The following KTN1 variants were observed in gnomAD, a reference collection of about 807,000 sequenced individuals.
KTN1 encodes kinectin 1.
Under a neutral mutation model 222.5 loss-of-function variants are expected in KTN1, and 130 were observed. The ratio of observed to expected loss-of-function variants is 0.58; its 90% CI spans 0.51 to 0.68. The LOEUF (loss-of-function observed/expected upper bound fraction) is 0.68, where lower values mean the gene tolerates loss of function less well. Among genes scored for constraint, KTN1 ranks in the 30% least tolerant of loss-of-function variants. The probability of loss-of-function intolerance (pLI) is 0.00; values close to 1 mark genes in which losing one functional copy is unlikely to be tolerated. For missense variants in KTN1, 1,508 were observed against 1,500.4 expected, an observed-to-expected ratio of 1.01 and a Z score of -0.08; for synonymous variants, 512 against 496.3, an observed-to-expected ratio of 1.03 and a Z score of -0.42.
intron 1 of KTN1, 175 bp from the exon 2 acceptor site, chr14:55,611,844 A>G (rs2037624326): frequency 1.2e-5 from 4 of 329,980 alleles, no homozygotes; most frequent in Middle Eastern, 8.0e-4. Flanking sequence ...CATAGTATAT[A>G]TGAATTGTAG....
chr14:55,610,478 G>C (rs1566702053), intron 1 of KTN1, among the ~76,000 whole-genome samples: 9 of 152,050 alleles, frequency 5.9e-5, no homozygotes. Context: ...ATTTTCTTAG[G>C]TGTAAAATAA....
intron 19 of KTN1, 145 bp from the exon 20 acceptor site, chr14:55,647,880 C>A (rs963631386): frequency 9.9e-6 from 2 of 202,128 alleles, no homozygotes; most frequent in African/African-American, 4.8e-5. Flanking sequence ...GGAGGCGGAG[C>A]TTGCAGTGAG....
chr14:55,639,888 T>G, intron 13 of KTN1, 25 bp from the exon 14 acceptor site: 1 of 1,364,756 alleles, frequency 7.3e-7, no homozygotes, highest in Non-Finnish European at 1.0e-6. Context: ...GTTTATTGAA[T>G]GTACAAATGT....
rs546189404 is a variant in KTN1, at chr14:55,676,908, C to CTGT, written c.3855+994_3855+996dup. 1.6e-3 allele frequency among the ~76,000 whole-genome samples: 242 copies of CTGT among 152,232 alleles called. 2 individuals carry two copies. Among genetic ancestry groups the CTGT allele is most frequent in the African/African-American group, 5.6e-3 (232 of 41,542 alleles). Reference sequence around the variant, plus strand: ...AGGACAAACTTTGATGCTTAATACACTGTTGTGGTTGAGCAGTCAGTTTAC... The same window carrying CTGT: ...AGGACAAACTTTGATGCTTAATACACTGTTGTTGTGGTTGAGCAGTCAGTTTAC... On this transcript the variant is annotated intron_variant, in intron 41 of 43. Coordinates refer to ENST00000395314, the MANE Select transcript of KTN1 (RefSeq NM_001079521.2).
At chr14:55,622,433 A>G (rs1221422846) in intron 5 of KTN1, among the ~76,000 whole-genome samples, 3 of 152,220 alleles carry the variant, frequency 2.0e-5, no homozygotes, top group African/African-American at 7.2e-5. Context: ...CCATGCAGCC[A>G]ACATCTATAT....
chr14:55,617,660 A>G (rs1179186978), intron 3 of KTN1, among the ~76,000 whole-genome samples: 1 of 152,252 alleles, frequency 6.6e-6, no homozygotes, highest in East Asian at 1.9e-4. Context: ...TAATTCTTAT[A>G]TTAAAACAAA....
chr14:55,582,950 C>T (rs1019233950), intron 1 of KTN1, among the ~76,000 whole-genome samples: 1 of 152,184 alleles, frequency 6.6e-6, no homozygotes, highest in African/African-American at 2.4e-5. Flanking sequence ...TTGGTGATCA[C>T]TCATGCTCAA....
Position 55,626,544 on chromosome 14 carries a change from C to G in KTN1, c.964-1368C>G, listed in dbSNP as rs567772179. Among the ~76,000 whole-genome samples the G allele has an allele frequency of 2.6e-5, 4 of 152,018 alleles. No homozygotes were observed. In the South Asian group the frequency reaches 8.3e-4, roughly 32 times the overall value. ...TTCTTCACTTGTTATTTGTGTTTTT[C>G]TTATTTTCATTTTTTGGTATCGTGT... On this transcript the variant is annotated intron_variant, in intron 5 of 43. Coordinates refer to ENST00000395314, the MANE Select transcript of KTN1 (RefSeq NM_001079521.2).
intron 29 of KTN1, among the ~76,000 whole-genome samples, chr14:55,658,241 G>T (rs2043718250): frequency 6.6e-6 from 1 of 152,076 alleles, no homozygotes; most frequent in Non-Finnish European, 1.5e-5. Context: ...AGAAAAATAT[G>T]AAACCCAAAA....
chr14:55,639,212 TTACA>T lies in KTN1; in HGVS notation c.1816_1819del (p.His606LysfsTer2). 1 of 1,604,280 alleles carries T rather than the reference TTACA, an allele frequency of 6.2e-7. No individual in the cohort carries two copies. Among genetic ancestry groups the T allele is most frequent in the Non-Finnish European group, 8.5e-7 (1 of 1,171,738 alleles). Reference sequence around the variant, plus strand: ...CTCCGCTTCAGTTCTAGCAGAAGAATTACATAAAGTGTAAGCCTACCTTTTCACA... The same window carrying T: ...CTCCGCTTCAGTTCTAGCAGAAGAATTAAAGTGTAAGCCTACCTTTTCACA... On this transcript the variant is annotated frameshift_variant, in exon 13 of 44. Transcript: ENST00000395314. LOFTEE classifies it high-confidence loss of function.
At chr14:55,668,332 G>C (rs552379111) in intron 34 of KTN1, 1 of 151,502 alleles carries the variant, frequency 6.6e-6, no homozygotes, top group African/African-American at 2.4e-5. Flanking sequence ...CGGGTTCCCC[G>C]ACTCTTTCTC....
In KTN1 at chr14:55,619,340, A is replaced by G. The variant is rs949797587; in HGVS notation, c.963+28A>G. Reference sequence around the variant, plus strand: ...AAGCGTGTTTTTTGATTATGGGCATATTCATGACCAGTCATTAGAAGTTCA... The same window carrying G: ...AAGCGTGTTTTTTGATTATGGGCATGTTCATGACCAGTCATTAGAAGTTCA... On this transcript the variant is annotated intron_variant, in intron 5 of 43. Coordinates refer to ENST00000395314, the MANE Select transcript of KTN1 (RefSeq NM_001079521.2). The G allele has an allele frequency of 5.6e-6, 9 of 1,606,820 alleles. No homozygotes were observed. The South Asian group carries it at 9.9e-5, about 18-fold the overall frequency.
rs2032716432 is a variant in KTN1 at position 55,585,176 on chromosome 14, A to T, written c.-31+4822A>T. 2.7e-5 allele frequency among the ~76,000 whole-genome samples: 4 copies of T among 148,488 alleles called. No individual in the cohort carries two copies. The South Asian group carries it at 6.4e-4, about 24-fold the overall frequency. Reference sequence around the variant, plus strand: ...AAAAAATCTCACATTCCTTCCTTTGATGGATAACTCATTATTGGATACATG... The same window carrying T: ...AAAAAATCTCACATTCCTTCCTTTGTTGGATAACTCATTATTGGATACATG... On this transcript the variant is annotated intron_variant, in intron 1 of 43. Coordinates refer to ENST00000395314, the MANE Select transcript of KTN1 (RefSeq NM_001079521.2).
intron 4 of KTN1, among the ~76,000 whole-genome samples, chr14:55,618,791 T>G (rs2038746195): frequency 6.6e-6 from 1 of 152,240 alleles, no homozygotes; most frequent in African/African-American, 2.4e-5. Flanking sequence ...TTTGGCTTAA[T>G]ATCTCTCAGG....
chr14:55,668,002 C>T (rs939208365), intron 34 of KTN1: 1 of 151,246 alleles, frequency 6.6e-6, no homozygotes, highest in Non-Finnish European at 1.5e-5. Context: ...TAGCACTTAT[C>T]AGTACATGGC....
chr14:55,641,035 A>T, intron 16 of KTN1, 65 bp downstream of exon 16: 1 of 1,486,598 alleles, frequency 6.7e-7, no homozygotes, highest in Admixed American at 1.7e-5. Flanking sequence ...GTTGCAGAAA[A>T]TATTGCTGCT....
At chr14:55,678,967 CTAGAG>C (rs2046131165) in intron 42 of KTN1, 1 of 157,302 alleles carries the variant, frequency 6.4e-6, no homozygotes, top group South Asian at 1.9e-4. Flanking sequence ...TATTGCTGGC[CTAGAG>C]TATAGACTCT....
At chr14:55,598,031 T>C (rs971766972) in intron 1 of KTN1, among the ~76,000 whole-genome samples, 7 of 152,184 alleles carry the variant, frequency 4.6e-5, no homozygotes, top group African/African-American at 1.4e-4. Context: ...TTGGAGTAAT[T>C]GAGGGGCCAG....
At chr14:55,622,728 C>G (rs1370159331) in intron 5 of KTN1, among the ~76,000 whole-genome samples, 2 of 152,170 alleles carry the variant, frequency 1.3e-5, no homozygotes, top group African/African-American at 2.4e-5. Context: ...GATGTTTCTG[C>G]TTTTCCTCTT....
Sources: allele counts gnomAD v4.1 joint callset (sites outside exome capture counted in the v4.1 genomes callset), GRCh38; gene constraint gnomAD v4.1.1; transcripts MANE v1.5; gene names NCBI Gene and HGNC (gene_info 2026-07-23, HGNC 2026-07-21).